Variants in INPP5A observed in about 807,000 individuals in gnomAD.
INPP5A encodes the protein inositol polyphosphate-5-phosphatase A.
INPP5A carries 14 observed loss-of-function variants against 65.2 expected under a neutral mutation model. That is an observed-to-expected ratio of 0.21 (90% CI 0.14 to 0.34). The LOEUF (loss-of-function observed/expected upper bound fraction) is 0.34. Among genes scored for constraint, INPP5A ranks in the 10% least tolerant of loss-of-function variants. INPP5A has a pLI of 1.00. For missense variants in INPP5A, 431 were observed against 545.6 expected (o/e 0.79, Z 2.09); for synonymous variants, 207 against 208.3 (o/e 0.99, Z 0.05).
intron 4 of INPP5A, among the ~76,000 whole-genome samples, chr10:132,685,566 G>A (rs1347215675): frequency 6.6e-6 from 1 of 152,252 alleles, no homozygotes; most frequent in Non-Finnish European, 1.5e-5. Context: ...CCTGATTGCG[G>A]AAATGATAAA....
At chr10:132,758,716 C>T (rs969527209) in intron 11 of INPP5A, among the ~76,000 whole-genome samples, 3 of 152,200 alleles carry the variant, frequency 2.0e-5, no homozygotes, top group Admixed American at 2.0e-4. Context: ...TATCTATGGG[C>T]AGGTGCTGAG....
At chr10:132,747,030 A>C (rs1450479834) in intron 9 of INPP5A, among the ~76,000 whole-genome samples, 2 of 152,226 alleles carry the variant, frequency 1.3e-5, no homozygotes, top group African/African-American at 4.8e-5. Flanking sequence ...AGCCTGCCTG[A>C]AGTGCTGAGA....
intron 9 of INPP5A, among the ~76,000 whole-genome samples, chr10:132,729,024 G>C (rs1266529366): frequency 6.9e-6 from 1 of 144,894 alleles, no homozygotes; most frequent in Non-Finnish European, 1.5e-5. Context: ...AGCAGGCGTG[G>C]GGGGCCTGGA....
In INPP5A at chr10:132,547,598, A is replaced by G. The variant is rs926144651; in HGVS notation, c.75+9427A>G. The stretch of plus-strand genomic sequence containing the variant: ...CGCCGTCGCCCTGGGCTGACCTCCC[A>G]TCTCCTCCTTCTCTACCCAAGCGCC... On this transcript the variant is annotated intron_variant, in intron 1 of 15. Coordinates refer to ENST00000368594, the MANE Select transcript of INPP5A (RefSeq NM_005539.5). The surrounding 1 kb of genome is among the most constrained non-coding windows in gnomAD (Gnocchi z 5.5). 3.9e-5 allele frequency among the ~76,000 whole-genome samples: 6 copies of G among 151,942 alleles called. No homozygotes were observed. The highest frequency in any genetic ancestry group is 1.5e-4 in the African/African-American group (6 of 41,346).
chr10:132,679,925 G>A (rs767601908), intron 4 of INPP5A, among the ~76,000 whole-genome samples: 1 of 152,202 alleles, frequency 6.6e-6, no homozygotes, highest in African/African-American at 2.4e-5. Flanking sequence ...GCAGAAGAAT[G>A]AAGTTGGCCC....
chr10:132,546,460 A>T lies in INPP5A; in HGVS notation c.75+8289A>T, dbSNP rs147764846. 1.3e-5 allele frequency among the ~76,000 whole-genome samples: 2 copies of T among 151,224 alleles called. No homozygotes were observed. Among genetic ancestry groups the T allele is most frequent in the South Asian group, 2.1e-4 (1 of 4,760 alleles). The stretch of plus-strand genomic sequence containing the variant: ...TGACCTTGAGCCGGTTGTCTTCTTG[A>T]TCCTTCTCTCCGACAGGAGTGTGAG... On this transcript the variant is annotated intron_variant, in intron 1 of 15. Coordinates refer to ENST00000368594, the MANE Select transcript of INPP5A (RefSeq NM_005539.5). The surrounding 1 kb of genome is among the most constrained non-coding windows in gnomAD (Gnocchi z 5.7).
chr10:132,561,722 CCACA>C (rs35335535), intron 1 of INPP5A, among the ~76,000 whole-genome samples: 2,764 of 142,370 alleles, frequency 0.019, 59 homozygotes, highest in African/African-American at 0.048. Context: ...TTGTCAATTT[CCACA>C]CACACACACA....
Position 132,675,446 on chromosome 10 carries a change from TGGG to T in INPP5A, c.307-14943_307-14941del, listed in dbSNP as rs2072949915. ...AGAAAGGAATGAGACTCAAGGCAGT[TGGG>T]GGAAGCGGGCAAATGGCCATGGGCA... On this transcript the variant is annotated intron_variant, in intron 4 of 15. Coordinates refer to ENST00000368594, the MANE Select transcript of INPP5A (RefSeq NM_005539.5). The surrounding 1 kb of genome is among the most constrained non-coding windows in gnomAD (Gnocchi z 4.2). 6.6e-6 allele frequency among the ~76,000 whole-genome samples: 1 copy of T among 152,168 alleles called. No homozygotes were observed. Among genetic ancestry groups the T allele is most frequent in the African/African-American group, 2.4e-5 (1 of 41,440 alleles).
chr10:132,776,819 G>A (rs567943025), intron 12 of INPP5A, among the ~76,000 whole-genome samples: 2 of 152,160 alleles, frequency 1.3e-5, no homozygotes, highest in African/African-American at 2.4e-5. Context: ...CAGACTCGGC[G>A]GGTAGTGGGG....
At position 132,741,904 on chromosome 10, in the gene INPP5A, G is replaced by A. The variant is rs774343059; in HGVS notation, c.733-7613G>A. ...CAGCACCCACGAATGGCTTCTTTCCGAGATGTGGCCGTCCTCTGCAGAAAG... is the reference window on the plus strand; with the variant it reads ...CAGCACCCACGAATGGCTTCTTTCCAAGATGTGGCCGTCCTCTGCAGAAAG... On this transcript the variant is annotated intron_variant, in intron 9 of 15. Transcript: ENST00000368594. The surrounding 1 kb of genome is among the most constrained non-coding windows in gnomAD (Gnocchi z 4.4). Among the ~76,000 whole-genome samples the A allele has an allele frequency of 2.0e-5, 3 of 152,150 alleles. No individual in the cohort carries two copies. Among genetic ancestry groups the A allele is most frequent in the African/African-American group, 7.2e-5 (3 of 41,436 alleles).
intron 1 of INPP5A, among the ~76,000 whole-genome samples, chr10:132,564,297 C>A (rs538234913): frequency 6.6e-5 from 10 of 152,246 alleles, no homozygotes; most frequent in Admixed American, 6.5e-4. Flanking sequence ...GGACCTCTTA[C>A]GGATCTTATG....
At position 132,685,374 on chromosome 10, in the gene INPP5A, C is replaced by T. The variant is rs113077041; in HGVS notation, c.307-5018C>T. 4.0e-3 allele frequency among the ~76,000 whole-genome samples: 606 copies of T among 152,400 alleles called. 3 individuals are homozygous for T. The highest frequency in any genetic ancestry group is 0.014 in the African/African-American group (584 of 41,600). On this transcript the variant is annotated intron_variant, in intron 4 of 15. Coordinates refer to ENST00000368594, the MANE Select transcript of INPP5A (RefSeq NM_005539.5). ...GCACAGGGGAAGGGCCCTGTTGCCA[C>T]CTGGGGCCTCACATGGGCACTGCTT... is the stretch of plus-strand genomic sequence containing the variant.
At chr10:132,767,765 A>G (rs1170615181) in intron 12 of INPP5A, among the ~76,000 whole-genome samples, 1 of 150,538 alleles carries the variant, frequency 6.6e-6, no homozygotes, top group Non-Finnish European at 1.5e-5. Context: ...GTGGCATTCC[A>G]GAAAGATCCG....
At chr10:132,720,855 C>T (rs769158358) in intron 8 of INPP5A, among the ~76,000 whole-genome samples, 10 of 144,988 alleles carry the variant, frequency 6.9e-5, no homozygotes, top group East Asian at 6.5e-4. Flanking sequence ...GCACCTTAGA[C>T]GGCTGTCTTC....
chr10:132,689,367 G>A (rs990636284), intron 4 of INPP5A, among the ~76,000 whole-genome samples: 3 of 152,180 alleles, frequency 2.0e-5, no homozygotes, highest in African/African-American at 7.2e-5. Context: ...ACCTGGCACC[G>A]CCGCTTCAAA....
At chr10:132,657,394 A>G (rs1480953427) in intron 4 of INPP5A, among the ~76,000 whole-genome samples, 2 of 152,218 alleles carry the variant, frequency 1.3e-5, no homozygotes, top group Non-Finnish European at 2.9e-5. Flanking sequence ...CCTGCAGAGC[A>G]GGGTCTGCCT....
chr10:132,774,414 T>G (rs1429229507), intron 12 of INPP5A, among the ~76,000 whole-genome samples: 1 of 152,104 alleles, frequency 6.6e-6, no homozygotes, highest in Non-Finnish European at 1.5e-5. Flanking sequence ...GCTTTCACCC[T>G]GACGCCCACC....
chr10:132,558,325 C>T (rs2071155374), intron 1 of INPP5A, among the ~76,000 whole-genome samples: 1 of 152,248 alleles, frequency 6.6e-6, no homozygotes, highest in Non-Finnish European at 1.5e-5. Flanking sequence ...CCACGCTCTC[C>T]TGAGAGGCCA....
At chr10:132,749,721 G>T (rs775426199) in intron 10 of INPP5A, 50 bp from the exon 11 acceptor site, 5 of 1,600,022 alleles carry the variant, frequency 3.1e-6, no homozygotes, top group East Asian at 2.2e-5. Context: ...TAGGGGACAC[G>T]CACAAGGCTG....
Sources: allele counts gnomAD v4.1 joint callset (sites outside exome capture counted in the v4.1 genomes callset), GRCh38; gene constraint gnomAD v4.1.1; non-coding constraint Gnocchi (gnomAD v3.1); transcripts MANE v1.5; gene names NCBI Gene and HGNC (gene_info 2026-07-23, HGNC 2026-07-21).